Variants in CMAS observed in about 807,000 individuals in gnomAD.
CMAS encodes the protein cytidine monophosphate N-acetylneuraminic acid synthetase, also known as N-acylneuraminate cytidylyltransferase.
A neutral mutation model predicts 53.4 loss-of-function variants in CMAS; 21 were observed. That is an observed-to-expected ratio of 0.39 (90% CI 0.28 to 0.57). The LOEUF is 0.57. Ranked by LOEUF, CMAS falls within the 20% of genes least tolerant of loss-of-function variation. The pLI is 0.56. For missense variants in CMAS, 384 were observed against 534.9 expected (o/e 0.72, Z 2.78); for synonymous variants, 189 against 195.2 (o/e 0.97, Z 0.27).
At chr12:22,053,147 G>A (rs557448878) in intron 1 of CMAS, among the ~76,000 whole-genome samples, 3 of 151,852 alleles carry the variant, frequency 2.0e-5, no homozygotes, top group Non-Finnish European at 2.9e-5. Context: ...TTGGTCGGGC[G>A]TGGTGACACA....
At chr12:22,060,305 G>GTTAT (rs1261975601) in intron 4 of CMAS, among the ~76,000 whole-genome samples, 1 of 125,240 alleles carries the variant, frequency 8.0e-6, no homozygotes, top group Admixed American at 9.8e-5. Context: ...AAATGTTAAG[G>GTTAT]TTATTTCTTT....
intron 1 of CMAS, 164 bp from the exon 2 acceptor site, chr12:22,054,985 T>C (rs1033760827): frequency 2.5e-5 from 11 of 436,916 alleles, no homozygotes; most frequent in Admixed American, 4.1e-5. Flanking sequence ...CAAAATACTT[T>C]ATAATTTCTT....
intron 6 of CMAS, 99 bp from the exon 7 acceptor site, chr12:22,062,182 T>C: frequency 9.5e-7 from 1 of 1,057,298 alleles, no homozygotes; most frequent in Non-Finnish European, 1.3e-6. Context: ...GTTTGTGATT[T>C]GGACTGTCTA....
chr12:22,063,700 C>T (rs902444449), intron 7 of CMAS: 3 of 148,706 alleles, frequency 2.0e-5, no homozygotes, highest in Non-Finnish European at 4.4e-5. Context: ...ATTTCTACCA[C>T]GAATACGTAT....
chr12:22,046,610 A>AG, intron 1 of CMAS, 47 bp downstream of exon 1: 1 of 1,469,226 alleles, frequency 6.8e-7, no homozygotes, highest in South Asian at 1.4e-5. Context: ...GGGGGTCGGG[A>AG]GAGGGAGTCG....
At chr12:22,053,764 A>C (rs1382672919) in intron 1 of CMAS, among the ~76,000 whole-genome samples, 1 of 148,606 alleles carries the variant, frequency 6.7e-6, no homozygotes, top group African/African-American at 2.4e-5. Context: ...CTGTAGTCCC[A>C]GCTACTTGGG....
chr12:22,065,545 T>C lies in CMAS; in HGVS notation c.*234T>C. 1 of 420,844 alleles carries C rather than the reference T, an allele frequency of 2.4e-6. No individual in the cohort carries two copies. The highest frequency in any genetic ancestry group is 3.5e-5 in the South Asian group (1 of 28,976). The allele number at this position is 420,844 out of a possible 1,614,324, so 26.1% of individuals were successfully genotyped here. A position where few individuals can be genotyped will look rare whatever the true frequency, so the allele number is the denominator to read the frequency against. On this transcript the variant is annotated 3_prime_UTR_variant, in exon 8 of 8. Transcript: ENST00000229329. ...AAGAACATCATCAAAGTTCACTTTGTATTGTACCCTGTAAAACTGTGTGTT... is the reference window on the plus strand; with the variant it reads ...AAGAACATCATCAAAGTTCACTTTGCATTGTACCCTGTAAAACTGTGTGTT...
chr12:22,058,948 C>T (rs1950288259), intron 4 of CMAS, among the ~76,000 whole-genome samples: 1 of 151,998 alleles, frequency 6.6e-6, no homozygotes, highest in Non-Finnish European at 1.5e-5. Flanking sequence ...GAATCAAGTA[C>T]TGGGTGTCTA....
chr12:22,048,123 AT>A (rs1159185411), intron 1 of CMAS, among the ~76,000 whole-genome samples: 2 of 152,212 alleles, frequency 1.3e-5, no homozygotes, highest in Admixed American at 1.3e-4. Flanking sequence ...CCTACCTACT[AT>A]GTAACAGGCA....
chr12:22,061,311 G>A lies in CMAS; in HGVS notation c.819G>A (p.Lys273=), dbSNP rs910193884. The change falls in exon 6 of 8, where the codon AAG becomes AAA. Residue 273 remains lysine (K), a synonymous_variant. Transcript: ENST00000229329. The part of the protein sequence containing the change: ...RYGYFGKEKL[K]EIKLLVCNID... The stretch of plus-strand genomic sequence containing the variant: ...GCTATTTTGGCAAAGAGAAGCTTAA[G>A]GAAATAAAACTTTTGGTTTGCAATA... 6.2e-7 allele frequency: 1 copy of A among 1,611,774 alleles called. No homozygotes were observed. Among genetic ancestry groups the A allele is most frequent in the African/African-American group, 1.3e-5 (1 of 74,772 alleles).
intron 4 of CMAS, among the ~76,000 whole-genome samples, chr12:22,060,210 G>C (rs567820533): frequency 6.6e-6 from 1 of 151,662 alleles, no homozygotes; most frequent in Non-Finnish European, 1.5e-5. Context: ...CAGAAACCTG[G>C]AGGATGTAAT....
At chr12:22,063,271 T>A (rs531917889) in intron 7 of CMAS, among the ~76,000 whole-genome samples, 1 of 152,318 alleles carries the variant, frequency 6.6e-6, no homozygotes, top group East Asian at 1.9e-4. Context: ...GGAAAAACTT[T>A]GGGAGCATGT....
intron 1 of CMAS, among the ~76,000 whole-genome samples, chr12:22,052,418 C>T (rs1004905284): frequency 5.3e-5 from 8 of 152,108 alleles, no homozygotes; most frequent in African/African-American, 1.9e-4. Flanking sequence ...CTCCAAAATT[C>T]TGTTTTTTTT....
In CMAS at chr12:22,062,264, T is replaced by C. The variant is rs765934119; in HGVS notation, c.961-17T>C. ...TTTTCCCTTCTTCCTCCAATCCTTTTTTTTTTTTTTTTTAAGGTGAGGCTA... is the reference window on the plus strand; with the variant it reads ...TTTTCCCTTCTTCCTCCAATCCTTTCTTTTTTTTTTTTTAAGGTGAGGCTA... On this transcript the variant is annotated splice_polypyrimidine_tract_variant and intron_variant, in intron 6 of 7. Coordinates refer to ENST00000229329, the MANE Select transcript of CMAS (RefSeq NM_018686.6). The C allele has an allele frequency of 9.5e-7, 1 of 1,057,794 alleles. No individual in the cohort carries two copies. The highest frequency in any genetic ancestry group is 1.2e-6 in the Non-Finnish European group (1 of 846,484). 65.5% of individuals were successfully genotyped at this position (1,057,794 alleles called of 1,614,324 possible). A position where few individuals can be genotyped will look rare whatever the true frequency, so the allele number is the denominator to read the frequency against.
intron 1 of CMAS, among the ~76,000 whole-genome samples, chr12:22,052,467 C>T (rs906143090): frequency 8.5e-5 from 13 of 152,100 alleles, no homozygotes; most frequent in African/African-American, 3.1e-4. Flanking sequence ...ACTGAACCCT[C>T]TGGTATTGAA....
chr12:22,054,532 C>G (rs1264559502), intron 1 of CMAS, among the ~76,000 whole-genome samples: 2 of 151,694 alleles, frequency 1.3e-5, no homozygotes, highest in East Asian at 3.9e-4. Flanking sequence ...GTTGTTTCAT[C>G]TGATTTTTTT....
intron 4 of CMAS, 35 bp downstream of exon 4, chr12:22,058,735 G>A (rs756699930): frequency 1.1e-5 from 18 of 1,594,894 alleles, no homozygotes; most frequent in South Asian, 2.3e-5. Context: ...CCTTTTAAGC[G>A]CTTTTGTAGG....
chr12:22,061,575 C>T, intron 6 of CMAS, 123 bp downstream of exon 6: 1 of 563,214 alleles, frequency 1.8e-6, no homozygotes, highest in Non-Finnish European at 2.9e-6. Flanking sequence ...ATTTGGCCTT[C>T]ATACGCCTAG....
intron 3 of CMAS, 121 bp downstream of exon 3, chr12:22,055,731 T>A: frequency 1.3e-6 from 1 of 779,270 alleles, no homozygotes; most frequent in Non-Finnish European, 2.0e-6. Flanking sequence ...ATTTGACTCA[T>A]TACTTTAGTA....
Sources: allele counts gnomAD v4.1 joint callset (sites outside exome capture counted in the v4.1 genomes callset), GRCh38; gene constraint gnomAD v4.1.1; transcripts MANE v1.5; gene names NCBI Gene and HGNC (gene_info 2026-07-23, HGNC 2026-07-21).